EIF4B: variants seen among roughly 807,000 people sequenced by gnomAD.
EIF4B encodes the protein eukaryotic translation initiation factor 4B.
In EIF4B, 8 loss-of-function variants were observed where a neutral mutation model predicts 79.3. That is an observed-to-expected ratio of 0.10 (90% CI 0.06 to 0.18). EIF4B has a LOEUF of 0.18. Ranked by LOEUF, EIF4B falls within the 10% of genes least tolerant of loss-of-function variation. The pLI is 1.00. For missense variants in EIF4B, 515 were observed against 792.4 expected, an observed-to-expected ratio of 0.65 and a Z score of 4.20; for synonymous variants, 238 against 274.7, an observed-to-expected ratio of 0.87 and a Z score of 1.32.
intron 4 of EIF4B, among the ~76,000 whole-genome samples, chr12:53,020,671 A>ATT (rs1943233816): frequency 2.0e-5 from 3 of 152,116 alleles, no homozygotes; most frequent in Admixed American, 1.3e-4. Flanking sequence ...TTTGTGCCAT[A>ATT]TTTCTGTAGT....
chr12:53,039,854 C>A, intron 14 of EIF4B, 152 bp downstream of exon 14: 1 of 802,316 alleles, frequency 1.2e-6, no homozygotes, highest in Non-Finnish European at 1.8e-6. Context: ...GGAAATAAGA[C>A]ATTGGTCTTT....
At chr12:53,035,964 A>G (rs1943533507) in intron 10 of EIF4B, among the ~76,000 whole-genome samples, 1 of 2,534 alleles carries the variant, frequency 3.9e-4, no homozygotes, top group Admixed American at 3.7e-3. Flanking sequence ...ATTACAGGTG[A>G]GCGCCACCAT....
intron 10 of EIF4B, 44 bp downstream of exon 10, chr12:53,034,753 T>TA: frequency 6.2e-7 from 1 of 1,609,176 alleles, no homozygotes; most frequent in Non-Finnish European, 8.5e-7. Flanking sequence ...CCGTTTTCCA[T>TA]AAACTATCCA....
At chr12:53,029,383 T>A (rs949512511) in intron 8 of EIF4B, among the ~76,000 whole-genome samples, 3 of 151,198 alleles carry the variant, frequency 2.0e-5, no homozygotes, top group East Asian at 3.9e-4. Flanking sequence ...TTTTATTTTT[T>A]TTTTTTTGAG....
chr12:53,019,102 A>G, intron 3 of EIF4B, 96 bp downstream of exon 3: 1 of 1,405,578 alleles, frequency 7.1e-7, no homozygotes, highest in Non-Finnish European at 9.8e-7. Flanking sequence ...AAAAACAACT[A>G]GAAATATAAT....
intron 8 of EIF4B, among the ~76,000 whole-genome samples, chr12:53,029,031 CAGG>C (rs1365536374): frequency 1.3e-5 from 2 of 151,492 alleles, no homozygotes; most frequent in African/African-American, 4.9e-5. Context: ...GTGGCTGAGG[CAGG>C]AGAATTGCTT....
chr12:53,019,257 G>A (rs1943197578), intron 3 of EIF4B, among the ~76,000 whole-genome samples: 2 of 151,832 alleles, frequency 1.3e-5, no homozygotes, highest in Admixed American at 6.6e-5. Context: ...AAATTAGCTG[G>A]GCGTGGTGGT....
intron 1 of EIF4B, among the ~76,000 whole-genome samples, chr12:53,010,803 C>A (rs1439749619): frequency 6.6e-6 from 1 of 152,082 alleles, no homozygotes; most frequent in Non-Finnish European, 1.5e-5. Flanking sequence ...GAGCTCCCGA[C>A]CTCAGGTGAT....
chr12:53,011,677 A>G (rs1251940331), intron 1 of EIF4B, among the ~76,000 whole-genome samples: 1 of 152,238 alleles, frequency 6.6e-6, no homozygotes. Context: ...AGTATCTATT[A>G]TAACAAATCC....
At chr12:53,030,064 A>AT (rs1943408076) in intron 8 of EIF4B, among the ~76,000 whole-genome samples, 1 of 47,700 alleles carries the variant, frequency 2.1e-5, no homozygotes, top group African/African-American at 3.5e-5. Flanking sequence ...TCTGCAAAAA[A>AT]TACAAAAGTT....
chr12:53,029,380 T>A (rs938185144), intron 8 of EIF4B, among the ~76,000 whole-genome samples: 60 of 151,046 alleles, frequency 4.0e-4, no homozygotes, highest in East Asian at 1.4e-3. Context: ...TTATTTTATT[T>A]TTTTTTTTTT....
intron 8 of EIF4B, among the ~76,000 whole-genome samples, chr12:53,029,226 A>AT (rs902535220): frequency 6.6e-6 from 1 of 152,180 alleles, no homozygotes; most frequent in Non-Finnish European, 1.5e-5. Context: ...TATGCCCCTA[A>AT]TACTATAAGA....
intron 1 of EIF4B, among the ~76,000 whole-genome samples, chr12:53,009,947 A>G (rs889303551): frequency 8.5e-5 from 13 of 152,332 alleles, no homozygotes; most frequent in Non-Finnish European, 1.5e-4. Context: ...ACTTGAGTAC[A>G]GTATTTTAAG....
chr12:53,041,978 T>C lies in EIF4B; in HGVS notation c.*1755T>C, dbSNP rs11170384. The C allele has an allele frequency of 0.015, 2,216 of 152,758 alleles. 79 individuals are homozygous for C. In the East Asian group the frequency reaches 0.15, roughly 10 times the overall value. 9.5% of individuals were successfully genotyped at this position (152,758 alleles called of 1,614,324 possible). A position where few individuals can be genotyped will look rare whatever the true frequency, so the allele number is the denominator to read the frequency against. On this transcript the variant is annotated 3_prime_UTR_variant, in exon 15 of 15. Coordinates refer to ENST00000262056, the MANE Select transcript of EIF4B (RefSeq NM_001417.7). The stretch of plus-strand genomic sequence containing the variant: ...TGTCTACTCTCCTTCCAAATAGTTA[T>C]ATCCAAAACTGTTTTTCCCTCTCCC...
chr12:53,009,433 T>C (rs547230224), intron 1 of EIF4B, among the ~76,000 whole-genome samples: 32 of 151,924 alleles, frequency 2.1e-4, no homozygotes, highest in Non-Finnish European at 4.3e-4. Context: ...AGGCAGAGGT[T>C]GCAGTGAATT....
intron 1 of EIF4B, chr12:53,014,602 T>A (rs1023800568): frequency 6.6e-5 from 10 of 152,228 alleles, no homozygotes; most frequent in Admixed American, 2.6e-4. Flanking sequence ...CAGGTTCTAA[T>A]TGTGTCCAGA....
intron 6 of EIF4B, 114 bp downstream of exon 6, chr12:53,022,741 G>T: frequency 7.6e-7 from 1 of 1,315,698 alleles, no homozygotes; most frequent in Non-Finnish European, 9.9e-7. Context: ...GAGGAAAGCA[G>T]ATTAAGAAAA....
intron 12 of EIF4B, 33 bp downstream of exon 12, chr12:53,038,444 C>T: frequency 6.5e-7 from 1 of 1,540,040 alleles, no homozygotes; most frequent in Non-Finnish European, 8.7e-7. Context: ...AGGTTTTTCA[C>T]CTAGAAGCCT....
intron 6 of EIF4B, 76 bp from the exon 7 acceptor site, chr12:53,027,706 T>C: frequency 6.6e-7 from 1 of 1,510,068 alleles, no homozygotes; most frequent in Non-Finnish European, 8.9e-7. Context: ...TCTTCCAAAT[T>C]GGACTGATAG....
Sources: gnomAD v4.1 joint callset for allele counts (sites outside exome capture counted in the v4.1 genomes callset) on GRCh38, gnomAD v4.1.1 for gene constraint, MANE v1.5 for transcripts, NCBI Gene and HGNC (gene_info 2026-07-23, HGNC 2026-07-21) for gene names.